Variants in AGPS observed in about 807,000 individuals in gnomAD.
AGPS encodes alkyldihydroxyacetonephosphate synthase, peroxisomal.
Under a neutral mutation model 90.7 loss-of-function variants are expected in AGPS, and 26 were observed. That is an observed-to-expected ratio of 0.29 (90% CI 0.21 to 0.40). AGPS has a LOEUF of 0.40. AGPS is among the 10% of genes least tolerant of loss of function. The probability of loss-of-function intolerance (pLI) is 1.00; values close to 1 mark genes in which losing one functional copy is unlikely to be tolerated. For synonymous variants in AGPS, 294 were observed against 285.3 expected (o/e 1.03, Z -0.31); for missense variants, 540 against 816.1 (o/e 0.66, Z 4.12).
chr2:177,436,982 C>A lies in AGPS; in HGVS notation c.565C>A (p.His189Asn). The change falls in exon 5 of 20, where the codon CAT becomes AAT. Residue 189 changes from histidine (H) to asparagine (N), a missense_variant and splice_region_variant. His to Asn is a moderately conservative substitution (Grantham distance 68). Around this residue, in one of 2 missense-constraint regions of AGPS, gnomAD observed 405 missense variants for 692.1 expected, o/e 0.59. Transcript: ENST00000264167. ...ADDRVFRAHG[H>N]CLHEIFLLRE... ...TCTTTTTTTTAACCACAAAACAGGT[C>A]ATTGTCTTCATGAGATATTTTTGCT... is the stretch of plus-strand genomic sequence containing the variant. 6.2e-7 allele frequency: 1 copy of A among 1,613,234 alleles called. No individual in the cohort carries two copies. Among genetic ancestry groups the A allele is most frequent in the South Asian group, 1.1e-5 (1 of 90,974 alleles).
At chr2:177,441,255 G>T in intron 6 of AGPS, 1 of 490,704 alleles carries the variant, frequency 2.0e-6, no homozygotes, top group Non-Finnish European at 3.6e-6. Flanking sequence ...TTCCTCTATG[G>T]GCCCTAGTTG....
chr2:177,446,249 G>A (rs1238755483), intron 8 of AGPS, among the ~76,000 whole-genome samples: 1 of 152,034 alleles, frequency 6.6e-6, no homozygotes, highest in Non-Finnish European at 1.5e-5. Flanking sequence ...CGCCTCCTGG[G>A]TTCATGCCAT....
At chr2:177,514,314 C>G (rs937393342) in intron 17 of AGPS, among the ~76,000 whole-genome samples, 42 of 152,284 alleles carry the variant, frequency 2.8e-4, no homozygotes, top group African/African-American at 9.4e-4. Context: ...TTAATCTCTT[C>G]AAGCTCTAAT....
chr2:177,452,585 T>C (rs1377775361), intron 8 of AGPS, among the ~76,000 whole-genome samples: 3 of 152,030 alleles, frequency 2.0e-5, no homozygotes, highest in East Asian at 1.9e-4. Context: ...GTTTTTCTTA[T>C]AGGCAGCATA....
chr2:177,465,288 T>A (rs1042515761), intron 9 of AGPS, among the ~76,000 whole-genome samples: 1 of 150,464 alleles, frequency 6.6e-6, no homozygotes, highest in Non-Finnish European at 1.5e-5. Flanking sequence ...AGCAAGATCC[T>A]ATTTTTTTTT....
At position 177,540,007 on chromosome 2, in the gene AGPS, T is replaced by TG. The variant is rs2079218274; in HGVS notation, c.*1812_*1813insG. The TG allele has an allele frequency of 6.8e-6, 1 of 147,428 alleles. No homozygotes were observed. Among genetic ancestry groups the TG allele is most frequent in the African/African-American group, 2.5e-5 (1 of 40,120 alleles). 9.1% of individuals were successfully genotyped at this position (147,428 alleles called of 1,614,324 possible). A position where few individuals can be genotyped will look rare whatever the true frequency, so the allele number is the denominator to read the frequency against. On this transcript the variant is annotated 3_prime_UTR_variant, in exon 20 of 20. Coordinates refer to ENST00000264167, the MANE Select transcript of AGPS (RefSeq NM_003659.4). ...TTAATTGGTGATCAAAATATAAAAT[T>TG]AAGGTACTAATGTCTCACTGGAAGT...
intron 19 of AGPS, among the ~76,000 whole-genome samples, chr2:177,537,523 T>C: frequency 6.6e-6 from 1 of 152,090 alleles, no homozygotes; most frequent in Non-Finnish European, 1.5e-5. Flanking sequence ...TTAAAAGTAC[T>C]GTGAAAAGAA....
At position 177,528,207 on chromosome 2, in the gene AGPS, TAGTTGC is replaced by T. The variant is rs1003399674; in HGVS notation, c.1855+4404_1855+4409del. ...AGATAACACCTCTATACCACTACCCTAGTTGCAATCACTATTTTCTGCAGTAGCCTC... is the reference window on the plus strand; with the variant it reads ...AGATAACACCTCTATACCACTACCCTAATCACTATTTTCTGCAGTAGCCTC... On this transcript the variant is annotated intron_variant, in intron 19 of 19. Coordinates refer to ENST00000264167, the MANE Select transcript of AGPS (RefSeq NM_003659.4). Among the ~76,000 whole-genome samples the T allele has an allele frequency of 1.1e-4, 16 of 152,334 alleles. No individual in the cohort carries two copies. The Middle Eastern group carries it at 0.01, about 97-fold the overall frequency.
In AGPS at chr2:177,543,108, A is replaced by G. The variant is rs1329919662; in HGVS notation, c.*4913A>G. 1.3e-5 allele frequency: 2 copies of G among 152,114 alleles called. No homozygotes were observed. Among genetic ancestry groups the G allele is most frequent in the African/African-American group, 4.8e-5 (2 of 41,424 alleles). The allele number at this position is 152,114 out of a possible 1,614,324, so 9.4% of individuals were successfully genotyped here. ...GGATTTGTATGTGCTTTTCCTTCCT[A>G]CATTTTCATTCCTACTGCCCCAACC... On this transcript the variant is annotated 3_prime_UTR_variant, in exon 20 of 20. Transcript: ENST00000264167.
At chr2:177,420,154 A>G (rs1040129672) in intron 1 of AGPS, 115 bp from the exon 2 acceptor site, 14 of 700,180 alleles carry the variant, frequency 2.0e-5, no homozygotes, top group Middle Eastern at 3.7e-4. Context: ...AACCTTATAC[A>G]ATATTTGTGG....
chr2:177,393,979 G>C (rs1685097399), intron 1 of AGPS, among the ~76,000 whole-genome samples: 1 of 152,168 alleles, frequency 6.6e-6, no homozygotes, highest in African/African-American at 2.4e-5. Flanking sequence ...TTCTTCCCAA[G>C]CTATGAGGTA....
In AGPS at chr2:177,496,718, A is replaced by T. The variant is rs146735752; in HGVS notation, c.1286-971A>T. On this transcript the variant is annotated intron_variant, in intron 12 of 19. Coordinates refer to ENST00000264167, the MANE Select transcript of AGPS (RefSeq NM_003659.4). Reference sequence around the variant, plus strand: ...AATCAGCAAAAATGTAGTAAGTAGTATTACAGATTGAGATTCTTATAAAAA... The same window carrying T: ...AATCAGCAAAAATGTAGTAAGTAGTTTTACAGATTGAGATTCTTATAAAAA... Among the ~76,000 whole-genome samples the T allele has an allele frequency of 2.6e-3, 403 of 152,204 alleles. 2 individuals carry two copies. Among genetic ancestry groups the T allele is most frequent in the African/African-American group, 9.0e-3 (376 of 41,558 alleles).
At chr2:177,398,552 T>A (rs1176213089) in intron 1 of AGPS, among the ~76,000 whole-genome samples, 1 of 152,230 alleles carries the variant, frequency 6.6e-6, no homozygotes, top group Non-Finnish European at 1.5e-5. Flanking sequence ...TCCTCTATGC[T>A]GGATTACCAC....
At chr2:177,428,306 G>A (rs1296819044) in intron 2 of AGPS, among the ~76,000 whole-genome samples, 3 of 152,062 alleles carry the variant, frequency 2.0e-5, no homozygotes, top group Admixed American at 1.3e-4. Context: ...TTTAATTCGG[G>A]CATTTAGCCC....
At chr2:177,429,368 G>C (rs778710415) in intron 2 of AGPS, among the ~76,000 whole-genome samples, 12 of 152,168 alleles carry the variant, frequency 7.9e-5, no homozygotes, top group Non-Finnish European at 1.5e-4. Context: ...AGGTATTGTG[G>C]TCATTTGGAG....
intron 1 of AGPS, among the ~76,000 whole-genome samples, chr2:177,415,129 A>G (rs1164569832): frequency 6.6e-6 from 1 of 152,046 alleles, no homozygotes; most frequent in Non-Finnish European, 1.5e-5. Context: ...TTCTATATGC[A>G]TATCTATTCA....
intron 19 of AGPS, among the ~76,000 whole-genome samples, chr2:177,532,348 T>C (rs757948051): frequency 4.1e-4 from 62 of 152,116 alleles, no homozygotes; most frequent in Non-Finnish European, 8.4e-4. Flanking sequence ...TGGCACATAA[T>C]CACATGAAAA....
intron 8 of AGPS, among the ~76,000 whole-genome samples, chr2:177,455,584 A>G (rs550979799): frequency 8.3e-4 from 127 of 152,116 alleles, no homozygotes; most frequent in Middle Eastern, 3.4e-3. Flanking sequence ...GTGAGCCACC[A>G]TGCCTGGCCT....
intron 10 of AGPS, among the ~76,000 whole-genome samples, chr2:177,480,692 G>A (rs1165036378): frequency 2.6e-5 from 4 of 151,644 alleles, no homozygotes; most frequent in South Asian, 2.1e-4. Context: ...AAACCTGCAC[G>A]TTGTGCACAT....
Sources: allele counts gnomAD v4.1 joint callset (sites outside exome capture counted in the v4.1 genomes callset), GRCh38; gene constraint gnomAD v4.1.1; regional missense constraint gnomAD v4.1.1; transcripts MANE v1.5; gene names NCBI Gene and HGNC (gene_info 2026-07-23, HGNC 2026-07-21).